Variants in TM9SF2 observed in about 807,000 individuals in gnomAD.
TM9SF2 encodes the protein transmembrane 9 superfamily member 2, also known as 76 kDa membrane protein.
TM9SF2 carries 13 observed loss-of-function variants against 84.9 expected under a neutral mutation model. The observed-to-expected ratio is 0.15, with a 90% CI of 0.10 to 0.24. The LOEUF (loss-of-function observed/expected upper bound fraction) is 0.24, where lower values mean the gene tolerates loss of function less well. Ranked by LOEUF, TM9SF2 falls within the 10% of genes least tolerant of loss-of-function variation. The probability of loss-of-function intolerance (pLI) is 1.00; values close to 1 mark genes in which losing one functional copy is unlikely to be tolerated. For missense variants in TM9SF2, 562 were observed against 818.5 expected (o/e 0.69, Z 3.82); for synonymous variants, 273 against 285.8 (o/e 0.96, Z 0.45).
intron 3 of TM9SF2, among the ~76,000 whole-genome samples, chr13:99,527,786 C>G (rs577024443): frequency 1.5e-4 from 23 of 152,288 alleles, no homozygotes; most frequent in African/African-American, 5.5e-4. Context: ...TACCTATTTT[C>G]ATCAGTCAGC....
At chr13:99,536,835 T>C (rs2046236584) in intron 5 of TM9SF2, 98 bp downstream of exon 5, 3 of 1,369,866 alleles carry the variant, frequency 2.2e-6, no homozygotes, top group Admixed American at 2.1e-5. Context: ...ATTGAATGAG[T>C]GTACAGTTCA....
At chr13:99,532,624 G>A (rs1882131419) in intron 4 of TM9SF2, among the ~76,000 whole-genome samples, 1 of 152,082 alleles carries the variant, frequency 6.6e-6, no homozygotes, top group African/African-American at 2.4e-5. Flanking sequence ...AAAGAATACT[G>A]TTTAGTCTTG....
chr13:99,525,036 A>G (rs1282346803), intron 3 of TM9SF2, among the ~76,000 whole-genome samples: 1 of 152,082 alleles, frequency 6.6e-6, no homozygotes, highest in Non-Finnish European at 1.5e-5. Flanking sequence ...AGGTGAGATA[A>G]GGACAGAGGA....
rs1422800251 is a variant in TM9SF2, at chr13:99,563,837, A to G, written c.*1079A>G. The G allele has an allele frequency of 1.3e-5, 2 of 152,222 alleles. No homozygotes were observed. Among genetic ancestry groups the G allele is most frequent in the African/African-American group, 4.8e-5 (2 of 41,444 alleles). 9.4% of individuals were successfully genotyped at this position (152,222 alleles called of 1,614,324 possible). On this transcript the variant is annotated 3_prime_UTR_variant, in exon 17 of 17. Coordinates refer to ENST00000376387, the MANE Select transcript of TM9SF2 (RefSeq NM_004800.3). ...AGTTAAGAAATGCACTGTCTTTCAC[A>G]TTCATCTGACTAATTGAAATCCATT...
At chr13:99,531,219 A>G (rs537554477) in intron 4 of TM9SF2, among the ~76,000 whole-genome samples, 1 of 152,262 alleles carries the variant, frequency 6.6e-6, no homozygotes, top group African/African-American at 2.4e-5. Context: ...AACCATTGCT[A>G]TTCTTCTGAG....
chr13:99,513,072 G>C (rs1359415879), intron 1 of TM9SF2, among the ~76,000 whole-genome samples: 1 of 152,210 alleles, frequency 6.6e-6, no homozygotes, highest in Non-Finnish European at 1.5e-5. Context: ...AAGAGAAACA[G>C]TTACCATGTT....
intron 4 of TM9SF2, among the ~76,000 whole-genome samples, chr13:99,535,090 T>C (rs9517760): frequency 0.033 from 5,034 of 152,226 alleles, 111 homozygotes; most frequent in Middle Eastern, 0.11. Flanking sequence ...AGGTTGAGGC[T>C]GCAGAAAGCC....
intron 1 of TM9SF2, among the ~76,000 whole-genome samples, chr13:99,516,817 A>C (rs2046136697): frequency 1.3e-5 from 2 of 152,174 alleles, no homozygotes; most frequent in African/African-American, 2.4e-5. Flanking sequence ...TGTGTTTAAG[A>C]GTACATGTGC....
intron 3 of TM9SF2, among the ~76,000 whole-genome samples, chr13:99,523,351 A>G (rs1173189604): frequency 6.6e-6 from 1 of 151,948 alleles, no homozygotes. Context: ...GGGTCTCACT[A>G]TGTTGCCCAG....
rs117560036 is a variant in TM9SF2, at chr13:99,539,210, A to C, written c.717-236A>C. Among the ~76,000 whole-genome samples the C allele has an allele frequency of 2.6e-3, 355 of 137,146 alleles. 5 individuals carry two copies. In the East Asian group the frequency reaches 0.064, roughly 25 times the overall value. 90.0% of individuals were successfully genotyped at this position (137,146 alleles called of 152,430 possible). ...GGGTAAGAGAGCAAGACCCTGTCCCAAAAAAAAAAAAGAAAAAAAAAAAGA... is the reference window on the plus strand; with the variant it reads ...GGGTAAGAGAGCAAGACCCTGTCCCCAAAAAAAAAAAGAAAAAAAAAAAGA... On this transcript the variant is annotated intron_variant, in intron 6 of 16. Transcript: ENST00000376387.
intron 5 of TM9SF2, 147 bp from the exon 6 acceptor site, chr13:99,537,592 T>A: frequency 1.6e-6 from 1 of 615,318 alleles, no homozygotes; most frequent in Non-Finnish European, 2.6e-6. Flanking sequence ...AGAGTTTAAG[T>A]ATAAAATTGA....
intron 4 of TM9SF2, among the ~76,000 whole-genome samples, chr13:99,530,973 A>G (rs1483192558): frequency 6.6e-6 from 1 of 151,348 alleles, no homozygotes; most frequent in Non-Finnish European, 1.5e-5. Context: ...TGATTCTTGC[A>G]TTTTAGCCGC....
chr13:99,546,733 A>C (rs753337853), intron 10 of TM9SF2, among the ~76,000 whole-genome samples: 1 of 152,166 alleles, frequency 6.6e-6, no homozygotes, highest in Non-Finnish European at 1.5e-5. Flanking sequence ...CCCTGATCAC[A>C]GGAAGGATGT....
chr13:99,550,378 C>CT (rs2046300655), intron 12 of TM9SF2, among the ~76,000 whole-genome samples: 1 of 152,150 alleles, frequency 6.6e-6, no homozygotes, highest in South Asian at 2.1e-4. Flanking sequence ...TTTACTGAAA[C>CT]TTTTAAGTTT....
Position 99,559,361 on chromosome 13 carries a change from A to G in TM9SF2, c.1753-2A>G. On this transcript the variant is annotated splice_acceptor_variant, in intron 15 of 16. Coordinates refer to ENST00000376387, the MANE Select transcript of TM9SF2 (RefSeq NM_004800.3). LOFTEE classifies it high-confidence loss of function. ...TCTTGTTCTTTTTTCTTTACTACCT[A>G]GGATTATCATTGGCAATGGCGTTCA... 6.3e-7 allele frequency: 1 copy of G among 1,588,012 alleles called. No individual in the cohort carries two copies. Among genetic ancestry groups the G allele is most frequent in the Non-Finnish European group, 8.6e-7 (1 of 1,169,086 alleles).
chr13:99,548,181 G>T (rs1262599501), intron 11 of TM9SF2, among the ~76,000 whole-genome samples: 1 of 152,044 alleles, frequency 6.6e-6, no homozygotes, highest in African/African-American at 2.4e-5. Flanking sequence ...CCTCGGACAG[G>T]CTGCCTGCTT....
chr13:99,518,173 G>A (rs868203975), intron 2 of TM9SF2, among the ~76,000 whole-genome samples: 28 of 152,074 alleles, frequency 1.8e-4, no homozygotes, highest in Non-Finnish European at 2.5e-4. Flanking sequence ...GTACAGTGGC[G>A]CAATCTTGGC....
Position 99,501,688 on chromosome 13 carries a change from C to T in TM9SF2, c.82C>T (p.Pro28Ser), listed in dbSNP as rs755166458. ...LLSLLLLGAV[P>S]GPRRSGAFYL... Reference sequence around the variant, plus strand: ...GTCGCTGCTCCTGCTGGGGGCGGTTCCTGGCCCGCGCCGGAGCGGCGCTTT... The same window carrying T: ...GTCGCTGCTCCTGCTGGGGGCGGTTTCTGGCCCGCGCCGGAGCGGCGCTTT... The change falls in exon 1 of 17, where the codon CCT becomes TCT. Residue 28 changes from proline (P) to serine (S), a missense_variant. Physicochemically the swap from Pro to Ser is moderately conservative, Grantham distance 74 (BLOSUM62 -1). Around this residue, in one of 4 missense-constraint regions of TM9SF2, gnomAD observed 267 missense variants for 316.7 expected, o/e 0.84. Transcript: ENST00000376387. 7 of 1,612,632 alleles carry T rather than the reference C, an allele frequency of 4.3e-6. No individual in the cohort carries two copies. In the African/African-American group the frequency reaches 6.7e-5, roughly 15 times the overall value.
chr13:99,514,037 A>T (rs1199984784), intron 1 of TM9SF2, among the ~76,000 whole-genome samples: 2 of 152,222 alleles, frequency 1.3e-5, no homozygotes, highest in Non-Finnish European at 2.9e-5. Flanking sequence ...TGTTAAATAG[A>T]TGAAGAAACA....
Sources: gnomAD v4.1 joint callset for allele counts (sites outside exome capture counted in the v4.1 genomes callset) on GRCh38, gnomAD v4.1.1 for gene constraint, gnomAD v4.1.1 regional missense constraint, MANE v1.5 for transcripts, NCBI Gene and HGNC (gene_info 2026-07-23, HGNC 2026-07-21) for gene names.